The following ZNF385D variants were observed in gnomAD, a reference collection of about 807,000 sequenced individuals.
ZNF385D encodes zinc finger protein 385D, also known as zinc finger protein 659.
In ZNF385D, 15 loss-of-function variants were observed where a neutral mutation model predicts 35.8. The ratio of observed to expected loss-of-function variants is 0.42; its 90% CI spans 0.28 to 0.64. ZNF385D has a LOEUF of 0.64. ZNF385D is among the 30% of genes least tolerant of loss of function. The probability of loss-of-function intolerance (pLI) is 0.23; values close to 1 mark genes in which losing one functional copy is unlikely to be tolerated. For synonymous variants in ZNF385D, 212 were observed against 186.8 expected (o/e 1.13, Z -1.10); for missense variants, 474 against 494.6 (o/e 0.96, Z 0.39).
intron 2 of ZNF385D, among the ~76,000 whole-genome samples, chr3:22,199,900 T>C (rs887555672): frequency 6.6e-6 from 1 of 152,034 alleles, no homozygotes; most frequent in African/African-American, 2.4e-5. Context: ...ACAATAACAA[T>C]AGCAATGACT....
intron 4 of ZNF385D, chr3:21,441,832 G>T: frequency 3.4e-6 from 2 of 587,608 alleles, no homozygotes; most frequent in Non-Finnish European, 4.3e-6. Flanking sequence ...CTCTACCAAA[G>T]ACTCTGGGAC....
chr3:21,468,401 C>CAAA (rs1175784477), intron 4 of ZNF385D, among the ~76,000 whole-genome samples: 887 of 72,458 alleles, frequency 0.012, 58 homozygotes, highest in South Asian at 0.028. Flanking sequence ...GACACTGTCT[C>CAAA]AAAAAAAAAA....
chr3:21,672,518 G>C (rs1464725726), intron 1 of ZNF385D, among the ~76,000 whole-genome samples: 2 of 152,170 alleles, frequency 1.3e-5, no homozygotes, highest in African/African-American at 4.8e-5. Context: ...GGTGAGAATG[G>C]GAGTATGAGT....
At chr3:22,026,605 C>T (rs1056345982) in intron 3 of ZNF385D, among the ~76,000 whole-genome samples, 1 of 152,126 alleles carries the variant, frequency 6.6e-6, no homozygotes, top group African/African-American at 2.4e-5. Context: ...TGGTCATTTC[C>T]CCAATGCCAG....
At chr3:22,125,980 T>C (rs1703402004) in intron 3 of ZNF385D, among the ~76,000 whole-genome samples, 1 of 151,848 alleles carries the variant, frequency 6.6e-6, no homozygotes, top group Non-Finnish European at 1.5e-5. Context: ...TGGGCATCCT[T>C]GTTGTGTTCC....
At chr3:22,114,269 T>C (rs909715942) in intron 3 of ZNF385D, among the ~76,000 whole-genome samples, 14 of 152,038 alleles carry the variant, frequency 9.2e-5, no homozygotes, top group African/African-American at 3.4e-4. Context: ...ATTGGTGAAA[T>C]ATAAATGATT....
At chr3:22,197,493 G>A (rs1696497517) in intron 2 of ZNF385D, among the ~76,000 whole-genome samples, 1 of 152,112 alleles carries the variant, frequency 6.6e-6, no homozygotes, top group East Asian at 1.9e-4. Context: ...TGACGTATTT[G>A]TTCAAAATGG....
chr3:21,602,749 G>A (rs1210914403), intron 2 of ZNF385D, among the ~76,000 whole-genome samples: 1 of 150,900 alleles, frequency 6.6e-6, no homozygotes, highest in Non-Finnish European at 1.5e-5. Context: ...TAGCCAGGAT[G>A]GTCTCGATCT....
intron 3 of ZNF385D, among the ~76,000 whole-genome samples, chr3:22,151,201 G>A (rs1199162540): frequency 1.3e-5 from 2 of 152,088 alleles, no homozygotes; most frequent in Non-Finnish European, 2.9e-5. Context: ...GGAGTGCATT[G>A]GGGCTGGGGA....
At chr3:21,483,791 T>C (rs1704817881) in intron 4 of ZNF385D, among the ~76,000 whole-genome samples, 1 of 152,228 alleles carries the variant, frequency 6.6e-6, no homozygotes, top group East Asian at 1.9e-4. Context: ...CTGTCAAGTT[T>C]AAAGTACTTT....
chr3:21,923,183 AT>A (rs1700561452), intron 3 of ZNF385D, among the ~76,000 whole-genome samples: 1 of 125,898 alleles, frequency 7.9e-6, no homozygotes, highest in South Asian at 2.5e-4. Flanking sequence ...TCCCTCCCCC[AT>A]CCCCCCACCC....
intron 3 of ZNF385D, among the ~76,000 whole-genome samples, chr3:21,991,860 A>T (rs1286122755): frequency 6.6e-6 from 1 of 152,164 alleles, no homozygotes; most frequent in African/African-American, 2.4e-5. Context: ...GTGATATATG[A>T]GTGAGTTATA....
At chr3:22,204,979 C>CAAAAAAAAAAAAAAAAAAATAAAAAAAAA (rs1697052061) in intron 2 of ZNF385D, among the ~76,000 whole-genome samples, 1 of 92,982 alleles carries the variant, frequency 1.1e-5, no homozygotes, top group Non-Finnish European at 2.1e-5. Flanking sequence ...TGACCAAATC[C>CAAAAAAAAAAAAAAAAAAATAAAAAAAAA]AAAAAAAAAA....
At chr3:21,900,262 C>A (rs1699332451) in intron 3 of ZNF385D, among the ~76,000 whole-genome samples, 1 of 152,060 alleles carries the variant, frequency 6.6e-6, no homozygotes, top group South Asian at 2.1e-4. Context: ...CCTTATTTAG[C>A]AAATTTAACT....
chr3:21,665,103 A>G, intron 1 of ZNF385D, 75 bp from the exon 2 acceptor site: 1 of 1,477,046 alleles, frequency 6.8e-7, no homozygotes, highest in Non-Finnish European at 9.0e-7. Context: ...CTTTTGAGAC[A>G]AAAAAGGCCA....
At chr3:22,046,720 G>A (rs1013552864) in intron 3 of ZNF385D, among the ~76,000 whole-genome samples, 2 of 152,084 alleles carry the variant, frequency 1.3e-5, no homozygotes, top group African/African-American at 2.4e-5. Flanking sequence ...CACTAAACTA[G>A]GTAGAGTTGA....
At position 21,602,316 on chromosome 3, in the gene ZNF385D, T is replaced by G. The variant is rs573871280; in HGVS notation, c.166-37632A>C. On this transcript the variant is annotated intron_variant, in intron 2 of 7. Coordinates refer to ENST00000281523, the MANE Select transcript of ZNF385D (RefSeq NM_024697.3). ...CAAACCATATCAGAACGTGACTATC[T>G]TTTCCATTGTTCTACCCAAAGCTAG... Among the ~76,000 whole-genome samples, 15 of 152,094 alleles carry G rather than the reference T, an allele frequency of 9.9e-5. No individual in the cohort carries two copies. In the South Asian group the frequency reaches 3.1e-3, roughly 32 times the overall value.
chr3:21,804,240 T>C (rs2125691868), intron 3 of ZNF385D, among the ~76,000 whole-genome samples: 1 of 152,322 alleles, frequency 6.6e-6, no homozygotes, highest in South Asian at 2.1e-4. Context: ...TTATATCACA[T>C]TCTTTTTGTT....
intron 3 of ZNF385D, among the ~76,000 whole-genome samples, chr3:21,787,905 G>A (rs1336557594): frequency 7.1e-6 from 1 of 140,562 alleles, no homozygotes; most frequent in Non-Finnish European, 1.5e-5. Flanking sequence ...TCGAGCCACT[G>A]CACTCCAGCC....
Sources: allele counts gnomAD v4.1 joint callset (sites outside exome capture counted in the v4.1 genomes callset), GRCh38; gene constraint gnomAD v4.1.1; transcripts MANE v1.5; gene names NCBI Gene and HGNC (gene_info 2026-07-23, HGNC 2026-07-21).